The following PPIL4 variants were observed in gnomAD, a reference collection of about 807,000 sequenced individuals.
PPIL4 encodes peptidyl-prolyl cis-trans isomerase-like 4.
Under a neutral mutation model 69.1 loss-of-function variants are expected in PPIL4, and 50 were observed. The ratio of observed to expected loss-of-function variants is 0.72; its 90% CI spans 0.58 to 0.92. The LOEUF (loss-of-function observed/expected upper bound fraction) is 0.92, where lower values mean the gene tolerates loss of function less well. PPIL4 is among the 40% of genes least tolerant of loss of function. PPIL4 has a pLI of 0.00. For synonymous variants in PPIL4, 193 were observed against 191.6 expected, an observed-to-expected ratio of 1.01 and a Z score of -0.06; for missense variants, 480 against 587.9, an observed-to-expected ratio of 0.82 and a Z score of 1.90.
chr6:149,506,121 A>G (rs931181616), intron 12 of PPIL4, among the ~76,000 whole-genome samples: 2 of 152,192 alleles, frequency 1.3e-5, no homozygotes, highest in Non-Finnish European at 2.9e-5. Flanking sequence ...TAAGAATCCT[A>G]TAAGAAGATA....
chr6:149,533,508 C>T lies in PPIL4; in HGVS notation c.628G>A (p.Glu210Lys), dbSNP rs541367216. ...TTAGCCTCTTTTTCTGCCTTTATTT[C>T]TTCTACTTCCTCAGCTGATCTTCCT... ...FKGRSAEEVE[E>K]IKAEKEAKTQ... Residue 210 changes from glutamate (E) to lysine (K), a missense_variant, in exon 7 of 13, where the codon GAA (glutamate) becomes AAA (lysine). Transcript: ENST00000253329. 6.2e-7 allele frequency: 1 copy of T among 1,612,304 alleles called. No individual in the cohort carries two copies. The highest frequency in any genetic ancestry group is 2.2e-5 in the East Asian group (1 of 44,744).
chr6:149,515,980 C>A (rs1242460736), intron 11 of PPIL4, among the ~76,000 whole-genome samples: 14 of 152,188 alleles, frequency 9.2e-5, no homozygotes, highest in Non-Finnish European at 4.4e-5. Context: ...TGACTTAAGA[C>A]AATTTATCTG....
chr6:149,526,716 A>T lies in PPIL4; in HGVS notation c.739T>A (p.Leu247Met), dbSNP rs770301665. 3 of 1,612,646 alleles carry T rather than the reference A, an allele frequency of 1.9e-6. No individual in the cohort carries two copies. In the East Asian group the frequency reaches 6.7e-5, roughly 36 times the overall value. The change falls in exon 8 of 13, where the codon TTG (leucine) becomes ATG (methionine). Residue 247 changes from leucine to methionine, a missense_variant. Transcript: ENST00000253329. The stretch of plus-strand genomic sequence containing the variant: ...TCCTCATCTGTGGTCACTGGGTTCA[A>T]TTTACACACAAACAGTACATTTTCT... ...PPENVLFVCK[L>M]NPVTTDEDLE...
At chr6:149,539,909 C>T (rs932989314) in intron 4 of PPIL4, among the ~76,000 whole-genome samples, 1 of 152,212 alleles carries the variant, frequency 6.6e-6, no homozygotes, top group East Asian at 1.9e-4. Flanking sequence ...GCAGGTGGAT[C>T]ACCTGGGGTC....
intron 7 of PPIL4, among the ~76,000 whole-genome samples, chr6:149,531,871 T>C (rs1179366855): frequency 2.0e-5 from 3 of 152,192 alleles, no homozygotes; most frequent in South Asian, 2.1e-4. Context: ...AGTTTCACCA[T>C]GTTGGCCAGG....
chr6:149,523,356 A>G (rs566928107), intron 9 of PPIL4, among the ~76,000 whole-genome samples: 320 of 152,258 alleles, frequency 2.1e-3, no homozygotes, highest in African/African-American at 7.3e-3. Context: ...ATCAAAAAAG[A>G]GCTTGCATCC....
At chr6:149,513,797 T>G (rs17087520) in intron 11 of PPIL4, among the ~76,000 whole-genome samples, 4,098 of 151,060 alleles carry the variant, frequency 0.027, 163 homozygotes, top group African/African-American at 0.095. Context: ...TTTTAATGTT[T>G]TAATTCAGAG....
At chr6:149,516,816 CAG>C (rs1201710204) in intron 11 of PPIL4, 1 of 152,086 alleles carries the variant, frequency 6.6e-6, no homozygotes, top group African/African-American at 2.4e-5. Flanking sequence ...AACATTGTAA[CAG>C]AGAACAATAG....
intron 4 of PPIL4, among the ~76,000 whole-genome samples, chr6:149,536,937 C>A (rs1777285850): frequency 1.3e-5 from 2 of 151,944 alleles, no homozygotes; most frequent in Non-Finnish European, 2.9e-5. Flanking sequence ...ACCAGCCTGA[C>A]CAACATGGTG....
Position 149,542,959 on chromosome 6 carries a change from G to T in PPIL4, c.71-1373C>A, listed in dbSNP as rs530739544. 5.7e-3 allele frequency among the ~76,000 whole-genome samples: 865 copies of T among 152,274 alleles called. 8 individuals carry two copies. The highest frequency in any genetic ancestry group is 0.02 in the African/African-American group (827 of 41,524). Reference sequence around the variant, plus strand: ...AGTGCTGAATATCAGTCTTGCAGTTGTTTTTCTTGAATATATTTCTGGGCT... The same window carrying T: ...AGTGCTGAATATCAGTCTTGCAGTTTTTTTTCTTGAATATATTTCTGGGCT... On this transcript the variant is annotated intron_variant, in intron 1 of 12. Coordinates refer to ENST00000253329, the MANE Select transcript of PPIL4 (RefSeq NM_139126.4).
intron 7 of PPIL4, among the ~76,000 whole-genome samples, chr6:149,527,308 C>T (rs970707208): frequency 6.6e-6 from 1 of 152,146 alleles, no homozygotes; most frequent in African/African-American, 2.4e-5. Flanking sequence ...CAGTGAGCTA[C>T]GCCACTTCAC....
At chr6:149,541,630 C>A in intron 1 of PPIL4, 44 bp from the exon 2 acceptor site, 2 of 1,074,726 alleles carry the variant, frequency 1.9e-6, no homozygotes, top group South Asian at 1.3e-5. Context: ...AATCCACAAA[C>A]ACATTTTTAA....
At chr6:149,524,555 G>A (rs1777078297) in intron 9 of PPIL4, among the ~76,000 whole-genome samples, 1 of 152,084 alleles carries the variant, frequency 6.6e-6, no homozygotes, top group African/African-American at 2.4e-5. Flanking sequence ...CTCCACTTAA[G>A]TAACAGGGAA....
At chr6:149,513,669 A>G (rs1776896052) in intron 11 of PPIL4, among the ~76,000 whole-genome samples, 1 of 151,904 alleles carries the variant, frequency 6.6e-6, no homozygotes, top group Non-Finnish European at 1.5e-5. Flanking sequence ...TACAACGATT[A>G]TAACTTTACA....
Position 149,545,952 on chromosome 6 carries a change from G to T in PPIL4, c.54C>A (p.Thr18=), listed in dbSNP as rs200555722. ...TLGDVVIDLY[T]EERPRACLNF... ...AAGCCTCACCACGCGGCCGTTCTTCGGTGTACAAGTCGATGACGACGTCGC... is the reference window on the plus strand; with the variant it reads ...AAGCCTCACCACGCGGCCGTTCTTCTGTGTACAAGTCGATGACGACGTCGC... Residue 18 remains threonine (T), a synonymous_variant, in exon 1 of 13, where the codon ACC becomes ACA. Transcript: ENST00000253329. 6.3e-7 allele frequency: 1 copy of T among 1,590,236 alleles called. No individual in the cohort carries two copies. The highest frequency in any genetic ancestry group is 1.1e-5 in the South Asian group (1 of 88,344).
chr6:149,505,830 A>G (rs1776762015), intron 12 of PPIL4, 126 bp from the exon 13 acceptor site: 11 of 719,050 alleles, frequency 1.5e-5, no homozygotes, highest in Non-Finnish European at 2.5e-5. Flanking sequence ...TGTGAACACT[A>G]CCACTAATGT....
chr6:149,511,058 C>T (rs758040684), intron 12 of PPIL4, among the ~76,000 whole-genome samples: 2 of 151,966 alleles, frequency 1.3e-5, no homozygotes, highest in African/African-American at 4.8e-5. Flanking sequence ...ACAGCAAATC[C>T]TTGACTCTGC....
At chr6:149,507,808 A>T (rs1776789017) in intron 12 of PPIL4, among the ~76,000 whole-genome samples, 1 of 152,234 alleles carries the variant, frequency 6.6e-6, no homozygotes, top group Non-Finnish European at 1.5e-5. Flanking sequence ...TCTGGGTTCA[A>T]ATAGTCTTTG....
intron 5 of PPIL4, 61 bp from the exon 6 acceptor site, chr6:149,534,835 T>A (rs1416175084): frequency 1.0e-6 from 1 of 1,004,530 alleles, no homozygotes; most frequent in Non-Finnish European, 1.5e-6. Context: ...TCCTATTTTA[T>A]TTTAATAGAT....
Sources: allele counts gnomAD v4.1 joint callset (sites outside exome capture counted in the v4.1 genomes callset), GRCh38; gene constraint gnomAD v4.1.1; transcripts MANE v1.5; gene names NCBI Gene and HGNC (gene_info 2026-07-23, HGNC 2026-07-21).